Variants in CDC42BPA observed in about 807,000 individuals in gnomAD.
The protein encoded by CDC42BPA is CDC42 binding protein kinase alpha, also known as serine/threonine-protein kinase MRCK alpha.
CDC42BPA carries 80 observed loss-of-function variants against 223.5 expected under a neutral mutation model. That is an observed-to-expected ratio of 0.36 (90% CI 0.30 to 0.43). The LOEUF (loss-of-function observed/expected upper bound fraction) is 0.43. Among genes scored for constraint, CDC42BPA ranks in the 20% least tolerant of loss-of-function variants. The probability of loss-of-function intolerance (pLI) is 1.00; values close to 1 mark genes in which losing one functional copy is unlikely to be tolerated. For synonymous variants in CDC42BPA, 694 were observed against 718.6 expected, an observed-to-expected ratio of 0.97 and a Z score of 0.55; for missense variants, 1,743 against 2,099.9, an observed-to-expected ratio of 0.83 and a Z score of 3.32.
chr1:227,067,240 G>A (rs1486742574), intron 21 of CDC42BPA, among the ~76,000 whole-genome samples: 1 of 152,178 alleles, frequency 6.6e-6, no homozygotes, highest in African/African-American at 2.4e-5. Flanking sequence ...CAGTGGCAGA[G>A]TGCCTGTGAG....
At position 227,031,509 on chromosome 1, in the gene CDC42BPA, T is replaced by C; in HGVS notation, c.3564A>G (p.Thr1188=). ...RKDIPCIFRV[T]ASQLSASNNK... ...TATTAGATGCTGAGAGCTGGGAAGCTGTGACCTAGAACAATTTAATCAATA... is the reference window on the plus strand; with the variant it reads ...TATTAGATGCTGAGAGCTGGGAAGCCGTGACCTAGAACAATTTAATCAATA... Residue 1188 remains threonine (T), a synonymous_variant, in exon 28 of 37, where the codon ACA becomes ACG. Transcript: ENST00000366766. 1 of 1,613,184 alleles carries C rather than the reference T, an allele frequency of 6.2e-7. No individual in the cohort carries two copies. Among genetic ancestry groups the C allele is most frequent in the Non-Finnish European group, 8.5e-7 (1 of 1,179,274 alleles).
intron 1 of CDC42BPA, among the ~76,000 whole-genome samples, chr1:227,286,360 A>G (rs536603641): frequency 2.0e-5 from 3 of 152,106 alleles, no homozygotes; most frequent in Non-Finnish European, 2.9e-5. Context: ...AGCCTTTCAC[A>G]AAGTCCTAGA....
intron 1 of CDC42BPA, among the ~76,000 whole-genome samples, chr1:227,276,453 G>T (rs921230685): frequency 2.0e-5 from 3 of 151,668 alleles, no homozygotes. Context: ...AGGGAGGTCG[G>T]GGGGCAGCCC....
chr1:227,034,141 A>G (rs1669821196), intron 26 of CDC42BPA, among the ~76,000 whole-genome samples: 1 of 152,200 alleles, frequency 6.6e-6, no homozygotes, highest in Admixed American at 6.5e-5. Context: ...AGATGGCTGA[A>G]GCTGTGAGTA....
chr1:227,133,697 G>A (rs1171611529), intron 10 of CDC42BPA, among the ~76,000 whole-genome samples: 1 of 152,082 alleles, frequency 6.6e-6, no homozygotes, highest in Non-Finnish European at 1.5e-5. Flanking sequence ...CATGTGCTGT[G>A]TCCACTCAGG....
intron 1 of CDC42BPA, among the ~76,000 whole-genome samples, chr1:227,290,709 A>G (rs1485480424): frequency 6.6e-6 from 1 of 152,212 alleles, no homozygotes; most frequent in African/African-American, 2.4e-5. Flanking sequence ...ATGACTATTT[A>G]TAATTTTAAA....
intron 21 of CDC42BPA, among the ~76,000 whole-genome samples, chr1:227,052,623 C>T (rs1253532159): frequency 6.6e-6 from 1 of 152,072 alleles, no homozygotes; most frequent in Admixed American, 6.6e-5. Flanking sequence ...GTCTGTATGG[C>T]AAGTTTCAGA....
intron 8 of CDC42BPA, among the ~76,000 whole-genome samples, chr1:227,145,095 T>TTA (rs1421719199): frequency 1.6e-3 from 239 of 152,278 alleles, no homozygotes; most frequent in African/African-American, 5.6e-3. Context: ...TCTCTTCAAT[T>TTA]GTTGTATCAG....
At chr1:227,193,616 AAAT>A in intron 5 of CDC42BPA, 167 bp downstream of exon 5, 1 of 556,870 alleles carries the variant, frequency 1.8e-6, no homozygotes, top group Non-Finnish European at 3.1e-6. Context: ...TAATGCTGAC[AAAT>A]AATAACAACA....
chr1:227,119,797 AT>A lies in CDC42BPA; in HGVS notation c.1647+6del, dbSNP rs1189673287. 1 of 1,542,002 alleles carries A rather than the reference AT, an allele frequency of 6.5e-7. No individual in the cohort carries two copies. The highest frequency in any genetic ancestry group is 8.8e-7 in the Non-Finnish European group (1 of 1,135,188). On this transcript the variant is annotated splice_donor_region_variant and intron_variant, in intron 12 of 36. Transcript: ENST00000366766. ...AAAAGCTTTAATGATCTAGTCACAT[AT>A]TTTACCTTATTTAGATCTTCTCTTT...
At chr1:227,076,248 A>G (rs1679442236) in intron 17 of CDC42BPA, among the ~76,000 whole-genome samples, 1 of 151,590 alleles carries the variant, frequency 6.6e-6, no homozygotes, top group Non-Finnish European at 1.5e-5. Flanking sequence ...CCCCACCACT[A>G]TCTTTCTCTC....
At chr1:227,144,348 G>A (rs550074352) in intron 8 of CDC42BPA, among the ~76,000 whole-genome samples, 1 of 152,072 alleles carries the variant, frequency 6.6e-6, no homozygotes, top group South Asian at 2.1e-4. Context: ...AGGCTGAGGA[G>A]GGCGGATCAC....
At position 227,119,935 on chromosome 1, in the gene CDC42BPA, A is replaced by G; in HGVS notation, c.1516T>C (p.Ser506Pro). Reference sequence around the variant, plus strand: ...TCAAGTTGCTGTTCCAAATGACTTGATTCTAAAAACAAAAGACAATGTTTC... The same window carrying G: ...TCAAGTTGCTGTTCCAAATGACTTGGTTCTAAAAACAAAAGACAATGTTTC... ...IEKLRKQVTE[S>P]SHLEQQLEEA... is the part of the protein sequence containing the mutation. The change falls in exon 12 of 37, where the codon TCA (serine) becomes CCA (proline). Residue 506 changes from serine to proline, a missense_variant and splice_region_variant. Around this residue, in one of 6 missense-constraint regions of CDC42BPA, gnomAD observed 464 missense variants for 488.0 expected, o/e 0.95. Coordinates refer to ENST00000366766, the MANE Select transcript of CDC42BPA (RefSeq NM_001394014.1). 6.3e-7 allele frequency: 1 copy of G among 1,582,116 alleles called. No homozygotes were observed. The highest frequency in any genetic ancestry group is 8.6e-7 in the Non-Finnish European group (1 of 1,168,690).
intron 35 of CDC42BPA, among the ~76,000 whole-genome samples, chr1:226,998,919 A>C (rs1347626758): frequency 6.6e-6 from 1 of 152,188 alleles, no homozygotes; most frequent in Non-Finnish European, 1.5e-5. Context: ...TAATATCCAG[A>C]ATCTACAAGG....
chr1:227,177,983 T>C (rs1667261694), intron 5 of CDC42BPA, among the ~76,000 whole-genome samples: 1 of 152,198 alleles, frequency 6.6e-6, no homozygotes, highest in African/African-American at 2.4e-5. Context: ...AAAATTTCCA[T>C]TTGTTTCTTT....
intron 12 of CDC42BPA, among the ~76,000 whole-genome samples, chr1:227,119,071 A>T (rs543343946): frequency 6.6e-6 from 1 of 152,242 alleles, no homozygotes; most frequent in Non-Finnish European, 1.5e-5. Context: ...TCAGTGCATT[A>T]TATTAATATA....
At chr1:227,224,566 C>T (rs1676519171) in intron 2 of CDC42BPA, among the ~76,000 whole-genome samples, 1 of 152,026 alleles carries the variant, frequency 6.6e-6, no homozygotes, top group African/African-American at 2.4e-5. Context: ...CCACCACCAA[C>T]AAAAACCTTA....
intron 32 of CDC42BPA, among the ~76,000 whole-genome samples, chr1:227,019,046 A>T (rs1363147545): frequency 1.3e-5 from 2 of 152,186 alleles, no homozygotes; most frequent in East Asian, 3.8e-4. Flanking sequence ...TCCTCCTTTC[A>T]CAAAAGATGG....
At position 227,033,389 on chromosome 1, in the gene CDC42BPA, A is replaced by G; in HGVS notation, c.3503T>C (p.Val1168Ala). ...TGCATGGATAACATCAGAAGCCAAG[A>G]CTGAACTCACAGAAAATTCTTCATC... ...MRDEEFSVSS[V>A]LASDVIHASR... is the part of the protein sequence containing the mutation. Residue 1168 changes from valine (V) to alanine (A), a missense_variant, in exon 27 of 37, where the codon GTC becomes GCC. Coordinates refer to ENST00000366766, the MANE Select transcript of CDC42BPA (RefSeq NM_001394014.1). 1 of 1,613,560 alleles carries G rather than the reference A, an allele frequency of 6.2e-7. No homozygotes were observed. Among genetic ancestry groups the G allele is most frequent in the Non-Finnish European group, 8.5e-7 (1 of 1,179,488 alleles).
Sources: allele counts gnomAD v4.1 joint callset (sites outside exome capture counted in the v4.1 genomes callset), GRCh38; gene constraint gnomAD v4.1.1; regional missense constraint gnomAD v4.1.1; transcripts MANE v1.5; gene names NCBI Gene and HGNC (gene_info 2026-07-23, HGNC 2026-07-21).